RAB14: variants seen among roughly 807,000 people sequenced by gnomAD.
RAB14 encodes RAB14, member RAS oncogene family, also known as ras-related protein Rab-14.
Under a neutral mutation model 31.1 loss-of-function variants are expected in RAB14, and 3 were observed. The observed-to-expected ratio is 0.10, with a 90% CI of 0.04 to 0.25. The LOEUF is 0.25. Ranked by LOEUF, RAB14 falls within the 10% of genes least tolerant of loss-of-function variation. RAB14 has a pLI of 1.00. For synonymous variants in RAB14, 85 were observed against 84.9 expected (o/e 1.00, Z 0.00); for missense variants, 111 against 260.1 (o/e 0.43, Z 3.94).
At chr9:121,201,045 C>T (rs2053767185) in intron 1 of RAB14, among the ~76,000 whole-genome samples, 1 of 152,182 alleles carries the variant, frequency 6.6e-6, no homozygotes, top group African/African-American at 2.4e-5. Flanking sequence ...CAAGCACAGG[C>T]GCACAGACCC....
chr9:121,194,555 T>C (rs543053373), intron 1 of RAB14, among the ~76,000 whole-genome samples: 112 of 152,336 alleles, frequency 7.4e-4, no homozygotes, highest in African/African-American at 2.6e-3. Context: ...ATAAAGTTTA[T>C]TCTCAAACCA....
intron 1 of RAB14, among the ~76,000 whole-genome samples, chr9:121,199,169 T>C (rs79010433): frequency 0.029 from 4,377 of 152,264 alleles, 166 homozygotes; most frequent in East Asian, 0.18. Context: ...AAAGGATTAA[T>C]AGTGAAAATT....
intron 5 of RAB14, among the ~76,000 whole-genome samples, chr9:121,185,884 G>A (rs1213601741): frequency 1.3e-5 from 2 of 152,072 alleles, no homozygotes; most frequent in Non-Finnish European, 2.9e-5. Flanking sequence ...CCCATCTATA[G>A]GTGTGTATGT....
At chr9:121,191,152 T>C (rs2053684040) in intron 3 of RAB14, among the ~76,000 whole-genome samples, 1 of 152,126 alleles carries the variant, frequency 6.6e-6, no homozygotes, top group Admixed American at 6.5e-5. Context: ...ACTAAAATAA[T>C]CTGCTAAGTA....
At chr9:121,186,932 A>G (rs748221019) in intron 5 of RAB14, 21 bp downstream of exon 5, 5 of 1,494,696 alleles carry the variant, frequency 3.3e-6, no homozygotes, top group Non-Finnish European at 4.5e-6. Context: ...TTTCTGTGTA[A>G]TAAGATGCCA....
At position 121,181,744 on chromosome 9, in the gene RAB14, C is replaced by CATT. The variant is rs1175575277; in HGVS notation, c.471-172_471-171insAAT. Among the ~76,000 whole-genome samples, 11 of 102,900 alleles carry CATT rather than the reference C, an allele frequency of 1.1e-4. No individual in the cohort carries two copies. In the Admixed American group the frequency reaches 1.6e-3, roughly 15 times the overall value. 67.5% of individuals were successfully genotyped at this position (102,900 alleles called of 152,430 possible). Reference sequence around the variant, plus strand: ...TAAGAGAACATGGAAAACTATTTTCCTTTTTTTTTTTTTTTTTTTTTTGAG... The same window carrying CATT: ...TAAGAGAACATGGAAAACTATTTTCCATTTTTTTTTTTTTTTTTTTTTTTTGAG... On this transcript the variant is annotated intron_variant, in intron 7 of 7. Coordinates refer to ENST00000373840, the MANE Select transcript of RAB14 (RefSeq NM_016322.4).
rs948341555 is a variant in RAB14 at position 121,179,574 on chromosome 9, G to A, written c.*1822C>T. ...GGTCCCTGGGTGAGTCCCTTGTGAT[G>A]CAACAGTGTAAGCAAAATGGATCAC... On this transcript the variant is annotated 3_prime_UTR_variant, in exon 8 of 8. Transcript: ENST00000373840. 3 of 152,624 alleles carry A rather than the reference G, an allele frequency of 2.0e-5. No homozygotes were observed. Among genetic ancestry groups the A allele is most frequent in the African/African-American group, 4.8e-5 (2 of 41,448 alleles). 9.5% of individuals were successfully genotyped at this position (152,624 alleles called of 1,614,324 possible).
chr9:121,189,730 T>C (rs759774067), intron 4 of RAB14, among the ~76,000 whole-genome samples: 1 of 152,146 alleles, frequency 6.6e-6, no homozygotes, highest in East Asian at 1.9e-4. Flanking sequence ...GGAAACCTTT[T>C]AAGGCATTTT....
intron 2 of RAB14, 78 bp downstream of exon 2, chr9:121,193,283 C>T: frequency 1.1e-6 from 1 of 944,536 alleles, no homozygotes; most frequent in Non-Finnish European, 1.6e-6. Flanking sequence ...TGAAGTGGTA[C>T]TGTTTAAGTA....
intron 2 of RAB14, among the ~76,000 whole-genome samples, chr9:121,192,691 A>C (rs2053693647): frequency 6.6e-6 from 1 of 152,146 alleles, no homozygotes; most frequent in African/African-American, 2.4e-5. Flanking sequence ...CTATGAAAGA[A>C]AAGAATTTGC....
chr9:121,196,308 T>C (rs1283350362), intron 1 of RAB14, among the ~76,000 whole-genome samples: 1 of 152,162 alleles, frequency 6.6e-6, no homozygotes, highest in African/African-American at 2.4e-5. Context: ...AAGATCTTTA[T>C]TGCCTTTAAA....
intron 1 of RAB14, among the ~76,000 whole-genome samples, chr9:121,196,863 T>TA (rs1161626847): frequency 6.6e-6 from 1 of 152,170 alleles, no homozygotes; most frequent in East Asian, 1.9e-4. Flanking sequence ...CACTTGAGAG[T>TA]AAACCATGTA....
At chr9:121,200,474 T>C (rs1301452199) in intron 1 of RAB14, among the ~76,000 whole-genome samples, 1 of 152,204 alleles carries the variant, frequency 6.6e-6, no homozygotes, top group East Asian at 1.9e-4. Context: ...AAGGCACCTG[T>C]CCTCTTGGAA....
At chr9:121,191,315 A>G (rs1422296768) in intron 3 of RAB14, among the ~76,000 whole-genome samples, 1 of 152,110 alleles carries the variant, frequency 6.6e-6, no homozygotes, top group African/African-American at 2.4e-5. Context: ...CAGTGTCTCA[A>G]AGAAAATCAG....
chr9:121,189,246 G>A (rs1170753656), intron 4 of RAB14, among the ~76,000 whole-genome samples: 2 of 151,956 alleles, frequency 1.3e-5, no homozygotes, highest in African/African-American at 4.8e-5. Flanking sequence ...TTGATGACTT[G>A]AATAGACACA....
chr9:121,196,287 T>C (rs2053716643), intron 1 of RAB14, among the ~76,000 whole-genome samples: 1 of 152,178 alleles, frequency 6.6e-6, no homozygotes, highest in South Asian at 2.1e-4. Flanking sequence ...ATCAAGTTCA[T>C]ATGTAAGTAA....
In RAB14 at chr9:121,179,417, T is replaced by TA. The variant is rs1326158834; in HGVS notation, c.*1978dup. On this transcript the variant is annotated 3_prime_UTR_variant, in exon 8 of 8. Coordinates refer to ENST00000373840, the MANE Select transcript of RAB14 (RefSeq NM_016322.4). ...GTCACAAAAACAATAAAACCCACTG[T>TA]AACTAACTTTGGGAGTCAGGGTATT... 4.6e-5 allele frequency: 7 copies of TA among 152,800 alleles called. No homozygotes were observed. The highest frequency in any genetic ancestry group is 1.7e-4 in the African/African-American group (7 of 41,590). 9.5% of individuals were successfully genotyped at this position (152,800 alleles called of 1,614,324 possible). A position where few individuals can be genotyped will look rare whatever the true frequency, so the allele number is the denominator to read the frequency against.
intron 7 of RAB14, among the ~76,000 whole-genome samples, chr9:121,181,991 C>T (rs1488591914): frequency 6.6e-6 from 1 of 152,126 alleles, no homozygotes; most frequent in East Asian, 1.9e-4. Context: ...CGTGATCCGC[C>T]TGCCTTGGCT....
In RAB14 at chr9:121,179,446, C is replaced by T. The variant is rs2053620782; in HGVS notation, c.*1950G>A. 1 of 152,558 alleles carries T rather than the reference C, an allele frequency of 6.6e-6. No homozygotes were observed. The highest frequency in any genetic ancestry group is 1.5e-5 in the Non-Finnish European group (1 of 68,020). The allele number at this position is 152,558 out of a possible 1,614,324, so 9.5% of individuals were successfully genotyped here. On this transcript the variant is annotated 3_prime_UTR_variant, in exon 8 of 8. Coordinates refer to ENST00000373840, the MANE Select transcript of RAB14 (RefSeq NM_016322.4). ...TAACTTTGGGAGTCAGGGTATTGCA[C>T]CTCAACAAGCCGCAGTCTTTAGTTT...
Sources: allele counts gnomAD v4.1 joint callset (sites outside exome capture counted in the v4.1 genomes callset), GRCh38; gene constraint gnomAD v4.1.1; transcripts MANE v1.5; gene names NCBI Gene and HGNC (gene_info 2026-07-23, HGNC 2026-07-21).